CFAP263: variants seen among roughly 807,000 people sequenced by gnomAD.
CFAP263 encodes cilia and flagella associated protein 263.
chr16:58,249,964 A>G, the CFAP263 span: 1 of 1,271,918 alleles, frequency 7.9e-7, no homozygotes, highest in Non-Finnish European at 1.1e-6. Context: ...GGCCGCCGGC[A>G]CCCGGAGCTC....
chr16:58,251,460 C>T, the CFAP263 span, among the ~76,000 whole-genome samples: 15 of 152,200 alleles, frequency 9.9e-5, no homozygotes, highest in African/African-American at 3.6e-4. Flanking sequence ...GGCATGATCT[C>T]GGCTCACTGC....
chr16:58,253,289 GA>G, the CFAP263 span, among the ~76,000 whole-genome samples: 1 of 152,064 alleles, frequency 6.6e-6, no homozygotes. Context: ...GCTGAGGTGG[GA>G]GGATTGCTTG....
the CFAP263 span, among the ~76,000 whole-genome samples, chr16:58,265,803 C>G: frequency 1.3e-5 from 2 of 152,238 alleles, no homozygotes; most frequent in Non-Finnish European, 2.9e-5. Context: ...CATCTTGACT[C>G]AGCATCACCA....
the CFAP263 span, among the ~76,000 whole-genome samples, chr16:58,262,863 T>C: frequency 6.6e-6 from 1 of 152,164 alleles, no homozygotes; most frequent in Non-Finnish European, 1.5e-5. Flanking sequence ...CCATGCCTCT[T>C]ATTTATTTTG....
At chr16:58,272,720 A>C in the CFAP263 span, among the ~76,000 whole-genome samples, 1 of 149,414 alleles carries the variant, frequency 6.7e-6, no homozygotes. Flanking sequence ...GGCCATTGGG[A>C]GCTCTTTCAG....
At chr16:58,250,003 T>C in the CFAP263 span, 6 of 1,564,820 alleles carry the variant, frequency 3.8e-6, no homozygotes, top group Non-Finnish European at 5.2e-6. Context: ...CAGGGGCCGC[T>C]TCGGCAGAGT....
the CFAP263 span, among the ~76,000 whole-genome samples, chr16:58,271,498 G>T: frequency 6.6e-6 from 1 of 152,014 alleles, no homozygotes; most frequent in Non-Finnish European, 1.5e-5. Flanking sequence ...ACTGTTCCAG[G>T]ATCCCACCCA....
At chr16:58,262,276 CTGAATGAT>C in the CFAP263 span, 1 of 1,010,798 alleles carries the variant, frequency 9.9e-7, no homozygotes. Flanking sequence ...TGCTGAATGA[CTGAATGAT>C]GACTGACCTC....
At chr16:58,280,093 G>T in the CFAP263 span, 1 of 890,292 alleles carries the variant, frequency 1.1e-6, no homozygotes. Context: ...AGCCAGCCCA[G>T]TGTATGCCAT....
the CFAP263 span, among the ~76,000 whole-genome samples, chr16:58,262,025 T>C: frequency 5.3e-5 from 8 of 152,138 alleles, no homozygotes; most frequent in Non-Finnish European, 1.2e-4. Flanking sequence ...ATGCCCTCTG[T>C]GCGTGACTCG....
At chr16:58,264,972 G>A in the CFAP263 span, among the ~76,000 whole-genome samples, 40 of 152,324 alleles carry the variant, frequency 2.6e-4, no homozygotes, top group African/African-American at 8.9e-4. Flanking sequence ...CTTCTCTTCT[G>A]TGAGTTTCAT....
chr16:58,278,584 G>A, the CFAP263 span: 2 of 1,614,118 alleles, frequency 1.2e-6, no homozygotes, highest in Admixed American at 3.3e-5. Context: ...GATCTTAAAT[G>A]CGGACCTGGA....
the CFAP263 span, among the ~76,000 whole-genome samples, chr16:58,263,587 G>C: frequency 6.6e-6 from 1 of 152,144 alleles, no homozygotes; most frequent in Non-Finnish European, 1.5e-5. Flanking sequence ...GGCTTTGTTT[G>C]GCCCACACAG....
At chr16:58,250,309 C>A in the CFAP263 span, 1 of 513,934 alleles carries the variant, frequency 1.9e-6, no homozygotes, top group Non-Finnish European at 3.4e-6. Context: ...GGTGGTAGGG[C>A]GAGGGGATGG....
At chr16:58,250,098 G>GCT in the CFAP263 span, 4 of 1,584,446 alleles carry the variant, frequency 2.5e-6, no homozygotes, top group Non-Finnish European at 3.4e-6. Context: ...AGCTGTGCGG[G>GCT]CTGGTGGAGG....
chr16:58,260,828 G>C, the CFAP263 span, among the ~76,000 whole-genome samples: 7 of 152,120 alleles, frequency 4.6e-5, no homozygotes, highest in Admixed American at 3.3e-4. Flanking sequence ...CACCAAGCTG[G>C]GACAGATTTA....
the CFAP263 span, among the ~76,000 whole-genome samples, chr16:58,254,856 C>T: frequency 6.6e-6 from 1 of 152,112 alleles, no homozygotes; most frequent in African/African-American, 2.4e-5. Flanking sequence ...CCGCCTGCCT[C>T]GGCCTCCCAA....
the CFAP263 span, chr16:58,280,884 T>G: frequency 1.2e-6 from 1 of 830,048 alleles, no homozygotes. Context: ...TGGGGCAAAT[T>G]ATAGGATACA....
the CFAP263 span, among the ~76,000 whole-genome samples, chr16:58,268,043 A>G: frequency 1.1e-4 from 10 of 92,174 alleles, no homozygotes; most frequent in African/African-American, 1.7e-4. Context: ...GAGAGAGAGG[A>G]AGAGAGAGAG....
Sources: allele counts gnomAD v4.1 joint callset (sites outside exome capture counted in the v4.1 genomes callset), GRCh38; gene constraint gnomAD v4.1.1; transcripts MANE v1.5; gene names NCBI Gene and HGNC (gene_info 2026-07-23, HGNC 2026-07-21).